UBAP2L: variants seen among roughly 807,000 people sequenced by gnomAD.
UBAP2L encodes the protein ubiquitin-associated protein 2-like.
A neutral mutation model predicts 130.6 loss-of-function variants in UBAP2L; 12 were observed. The ratio of observed to expected loss-of-function variants is 0.09; its 90% CI spans 0.06 to 0.15. The LOEUF (loss-of-function observed/expected upper bound fraction) is 0.15. Among genes scored for constraint, UBAP2L ranks in the 10% least tolerant of loss-of-function variants. UBAP2L has a pLI of 1.00. For missense variants in UBAP2L, 965 were observed against 1,332.5 expected (o/e 0.72, Z 4.29); for synonymous variants, 503 against 524.7 (o/e 0.96, Z 0.57).
chr1:154,224,617 T>C (rs1667363895), intron 1 of UBAP2L, among the ~76,000 whole-genome samples: 2 of 152,138 alleles, frequency 1.3e-5, no homozygotes, highest in African/African-American at 4.8e-5. Context: ...ATAAAAAAGG[T>C]TGTAAGGCAG....
At chr1:154,231,230 TC>T (rs143035526) in intron 4 of UBAP2L, among the ~76,000 whole-genome samples, 7,774 of 151,130 alleles carry the variant, frequency 0.051, 690 homozygotes, top group African/African-American at 0.18. Context: ...GTTCAAGCAA[TC>T]CTCCCACCTC....
At position 154,246,427 on chromosome 1, in the gene UBAP2L, A is replaced by T. The variant is rs1470852961; in HGVS notation, c.1014+52A>T. ...ATCAAACCTTCCTGCTAATCCTAGCACACATACACAGTTCCTTCCAAAGAC... is the reference window on the plus strand; with the variant it reads ...ATCAAACCTTCCTGCTAATCCTAGCTCACATACACAGTTCCTTCCAAAGAC... On this transcript the variant is annotated intron_variant, in intron 11 of 26. Transcript: ENST00000428931. 2.6e-6 allele frequency: 4 copies of T among 1,556,394 alleles called. No individual in the cohort carries two copies. The East Asian group carries it at 9.1e-5, about 35-fold the overall frequency.
chr1:154,255,039 C>T, intron 16 of UBAP2L, 113 bp from the exon 17 acceptor site: 3 of 1,412,322 alleles, frequency 2.1e-6, no homozygotes, highest in Non-Finnish European at 2.9e-6. Context: ...TAATATAGTC[C>T]ATTGTTAAAT....
At chr1:154,246,150 G>A (rs1675402709) in intron 10 of UBAP2L, 54 bp from the exon 11 acceptor site, 9 of 1,529,490 alleles carry the variant, frequency 5.9e-6, no homozygotes, top group African/African-American at 1.4e-5. Flanking sequence ...GAGTGTTGGG[G>A]AATGTTAGCG....
upstream of UBAP2L, chr1:154,220,621 T>C: frequency 1.7e-6 from 1 of 596,216 alleles, no homozygotes; most frequent in Admixed American, 3.0e-5. Context: ...CCCTGACACG[T>C]GACTCAGGCA....
chr1:154,265,270 A>T lies in UBAP2L; in HGVS notation c.2903-1231A>T, dbSNP rs543109844. The stretch of plus-strand genomic sequence containing the variant: ...GGGAGGATTTAGGTTCTAGAGTTTG[A>T]ATTGTGGGTGAATGGAGGATTCCTT... On this transcript the variant is annotated intron_variant, in intron 24 of 26. Transcript: ENST00000428931. 1.3e-5 allele frequency among the ~76,000 whole-genome samples: 2 copies of T among 152,192 alleles called. 1 individual carries two copies. The highest frequency in any genetic ancestry group is 1.3e-4 in the Admixed American group (2 of 15,294).
chr1:154,264,077 G>A (rs562232084), intron 24 of UBAP2L, among the ~76,000 whole-genome samples: 101 of 152,312 alleles, frequency 6.6e-4, no homozygotes, highest in African/African-American at 2.3e-3. Flanking sequence ...AGGATGTGCA[G>A]GAGCGGTTTG....
chr1:154,239,917 G>GT (rs1309321182), intron 8 of UBAP2L, among the ~76,000 whole-genome samples: 1 of 152,180 alleles, frequency 6.6e-6, no homozygotes, highest in Non-Finnish European at 1.5e-5. Context: ...TTATTAAGTG[G>GT]TTTAGGATTT....
At chr1:154,222,960 A>G (rs1203240666) in intron 1 of UBAP2L, among the ~76,000 whole-genome samples, 1 of 152,054 alleles carries the variant, frequency 6.6e-6, no homozygotes, top group Non-Finnish European at 1.5e-5. Context: ...CTTCCTTTAA[A>G]TCTTTTTATT....
At chr1:154,270,171 C>G (rs1437714923) in intron 26 of UBAP2L, 29 bp from the exon 27 acceptor site, 2 of 1,549,446 alleles carry the variant, frequency 1.3e-6, no homozygotes, top group East Asian at 2.3e-5. Flanking sequence ...CACCTTTTTC[C>G]TCCTCATGAT....
intron 8 of UBAP2L, among the ~76,000 whole-genome samples, chr1:154,239,901 T>C (rs1370543561): frequency 1.3e-5 from 2 of 152,232 alleles, no homozygotes; most frequent in African/African-American, 4.8e-5. Flanking sequence ...TTTGAGAATA[T>C]TGTCATTATT....
chr1:154,254,750 C>A, intron 15 of UBAP2L, 86 bp from the exon 16 acceptor site: 2 of 1,404,878 alleles, frequency 1.4e-6, no homozygotes, highest in South Asian at 1.2e-5. Flanking sequence ...ATTTGTTGAC[C>A]AAAATAAAGC....
At chr1:154,229,692 G>A (rs1669167339) in intron 4 of UBAP2L, among the ~76,000 whole-genome samples, 1 of 152,016 alleles carries the variant, frequency 6.6e-6, no homozygotes, top group Admixed American at 6.6e-5. Context: ...TCAAACTCCT[G>A]GACTCAAGCT....
intron 7 of UBAP2L, 44 bp downstream of exon 7, chr1:154,236,655 A>C: frequency 6.2e-7 from 1 of 1,609,546 alleles, no homozygotes; most frequent in Non-Finnish European, 8.5e-7. Context: ...TTCCCTTAAA[A>C]ATTACTGTAG....
At chr1:154,220,361 A>G (rs1310584120), upstream of UBAP2L, 1 of 1,614,226 alleles carries the variant, frequency 6.2e-7, no homozygotes, top group Non-Finnish European at 8.5e-7. Context: ...GTAGGCCATC[A>G]CCAGCACGAC....
At chr1:154,251,758 C>A in intron 14 of UBAP2L, 105 bp downstream of exon 14, 2 of 1,310,732 alleles carry the variant, frequency 1.5e-6, no homozygotes. Flanking sequence ...CTCTGCATGG[C>A]TGAGGGGGAA....
chr1:154,242,711 G>A (rs767196418), intron 9 of UBAP2L, among the ~76,000 whole-genome samples: 1 of 152,140 alleles, frequency 6.6e-6, no homozygotes, highest in Non-Finnish European at 1.5e-5. Flanking sequence ...ATAACATCTA[G>A]TTAAAACGAT....
At chr1:154,246,108 G>A in intron 10 of UBAP2L, 96 bp from the exon 11 acceptor site, 1 of 1,363,482 alleles carries the variant, frequency 7.3e-7, no homozygotes, top group Non-Finnish European at 9.9e-7. Context: ...AGAAGCCCCA[G>A]CAAGTGGCTT....
intron 25 of UBAP2L, among the ~76,000 whole-genome samples, chr1:154,267,072 G>C (rs777955288): frequency 5.3e-5 from 8 of 151,794 alleles, no homozygotes; most frequent in Non-Finnish European, 1.2e-4. Flanking sequence ...CTGGGGGTCT[G>C]GGGGGGCACT....
Sources: allele counts gnomAD v4.1 joint callset (sites outside exome capture counted in the v4.1 genomes callset), GRCh38; gene constraint gnomAD v4.1.1; transcripts MANE v1.5; gene names NCBI Gene and HGNC (gene_info 2026-07-23, HGNC 2026-07-21).